Variants in SETD5 observed in about 807,000 individuals in gnomAD.
The protein encoded by SETD5 is SET domain containing 5, also known as histone-lysine N-methyltransferase SETD5.
In SETD5, 44 loss-of-function variants were observed where a neutral mutation model predicts 153.3. That is an observed-to-expected ratio of 0.29 (90% CI 0.23 to 0.37). SETD5 has a LOEUF of 0.37. SETD5 is among the 10% of genes least tolerant of loss of function. The probability of loss-of-function intolerance (pLI) is 1.00; values close to 1 mark genes in which losing one functional copy is unlikely to be tolerated. For synonymous variants in SETD5, 716 were observed against 645.2 expected (o/e 1.11, Z -1.66); for missense variants, 1,544 against 1,768.0 (o/e 0.87, Z 2.27).
intron 1 of SETD5, among the ~76,000 whole-genome samples, chr3:9,416,233 A>G (rs371628182): frequency 5.9e-5 from 9 of 152,278 alleles, no homozygotes; most frequent in South Asian, 4.1e-4. Context: ...ATTGCTCACT[A>G]AAAATAAGAA....
rs1266057353 is a variant in SETD5 at position 9,476,902 on chromosome 3, A to G, written c.*811A>G. The G allele has an allele frequency of 6.6e-6, 1 of 152,664 alleles. No homozygotes were observed. The highest frequency in any genetic ancestry group is 1.9e-4 in the East Asian group (1 of 5,202). The allele number at this position is 152,664 out of a possible 1,614,324, so 9.5% of individuals were successfully genotyped here. On this transcript the variant is annotated 3_prime_UTR_variant, in exon 23 of 23. Coordinates refer to ENST00000402198, the MANE Select transcript of SETD5 (RefSeq NM_001080517.3). ...GAGGAATGAGACATGATATAGGCCA[A>G]TTGCATTGCTACTTACCAGCTTTTG...
chr3:9,410,441 A>G (rs2036388630), intron 1 of SETD5, among the ~76,000 whole-genome samples: 1 of 152,172 alleles, frequency 6.6e-6, no homozygotes, highest in South Asian at 2.1e-4. Flanking sequence ...TGGTTGTGCC[A>G]CCAGTTTGAT....
Position 9,464,634 on chromosome 3 carries a change from A to G in SETD5, c.2686A>G (p.Thr896Ala), listed in dbSNP as rs1295569259. ...SLMFSPVTSL[T>A]TASRCNTPLQ... ...CATGTTTTCACCAGTCACATCTCTT[A>G]CTACTGCTAGTCGCTGCAACACTCC... Residue 896 changes from threonine (T) to alanine (A), a missense_variant, in exon 18 of 23, where the codon ACT becomes GCT. Thr to Ala is a moderately conservative substitution (Grantham distance 58, BLOSUM62 0). Around this residue, in one of 9 missense-constraint regions of SETD5, gnomAD observed 782 missense variants for 787.2 expected, o/e 0.99. Transcript: ENST00000402198. The G allele has an allele frequency of 6.2e-7, 1 of 1,613,922 alleles. No individual in the cohort carries two copies. The highest frequency in any genetic ancestry group is 8.5e-7 in the Non-Finnish European group (1 of 1,179,906).
chr3:9,416,178 C>T (rs1359732782), intron 1 of SETD5, among the ~76,000 whole-genome samples: 1 of 134,408 alleles, frequency 7.4e-6, no homozygotes, highest in Admixed American at 7.2e-5. Flanking sequence ...GCCTTTTTGC[C>T]CTCAGTCTTC....
In SETD5 at chr3:9,477,750, C is replaced by T. The variant is rs2045932775; in HGVS notation, c.*1659C>T. The stretch of plus-strand genomic sequence containing the variant: ...ACTTTTCTTTTTGTTGTTTCCCCCA[C>T]AAACCCATCAGTCTGGGAGAGCATT... On this transcript the variant is annotated 3_prime_UTR_variant, in exon 23 of 23. Coordinates refer to ENST00000402198, the MANE Select transcript of SETD5 (RefSeq NM_001080517.3). 6.7e-6 allele frequency: 1 copy of T among 150,240 alleles called. No homozygotes were observed. The allele number at this position is 150,240 out of a possible 1,614,324, so 9.3% of individuals were successfully genotyped here. A position where few individuals can be genotyped will look rare whatever the true frequency, so the allele number is the denominator to read the frequency against.
rs773358253 is a variant in SETD5 at position 9,440,450 on chromosome 3, C to G, written c.568-6C>G. The G allele has an allele frequency of 6.8e-7, 1 of 1,472,294 alleles. No homozygotes were observed. Among genetic ancestry groups the G allele is most frequent in the Admixed American group, 1.7e-5 (1 of 59,664 alleles). 91.2% of individuals were successfully genotyped at this position (1,472,294 alleles called of 1,614,324 possible). ...TTACTAACCTCCCTGAATTTGTTTT[C>G]TACAGAATTCTCCCTCTGAAGCACA... On this transcript the variant is annotated splice_region_variant and splice_polypyrimidine_tract_variant and intron_variant, in intron 7 of 22. Coordinates refer to ENST00000402198, the MANE Select transcript of SETD5 (RefSeq NM_001080517.3).
intron 20 of SETD5, 104 bp from the exon 21 acceptor site, chr3:9,474,345 A>AT: frequency 7.7e-7 from 1 of 1,307,174 alleles, no homozygotes; most frequent in Non-Finnish European, 1.0e-6. Context: ...GAAGAAAGTA[A>AT]TGTTTAAGAG....
chr3:9,441,376 T>G (rs2041269858), intron 8 of SETD5, among the ~76,000 whole-genome samples: 2 of 152,174 alleles, frequency 1.3e-5, no homozygotes, highest in Admixed American at 6.5e-5. Context: ...TTTAATATTT[T>G]CTTGCCGTTT....
chr3:9,417,436 A>G (rs534069114), intron 1 of SETD5, among the ~76,000 whole-genome samples: 3 of 151,920 alleles, frequency 2.0e-5, no homozygotes, highest in African/African-American at 7.2e-5. Flanking sequence ...ATGAAAGTGA[A>G]GTCCATATTT....
intron 18 of SETD5, among the ~76,000 whole-genome samples, chr3:9,465,418 C>G (rs2044437470): frequency 6.6e-6 from 1 of 152,208 alleles, no homozygotes; most frequent in Non-Finnish European, 1.5e-5. Flanking sequence ...AACACTTCAT[C>G]TATTGCATGT....
chr3:9,423,915 T>C (rs1464966424), intron 1 of SETD5, among the ~76,000 whole-genome samples: 1 of 152,220 alleles, frequency 6.6e-6, no homozygotes, highest in South Asian at 2.1e-4. Context: ...TAAGCATGTT[T>C]CCATTTGACC....
chr3:9,447,137 C>A lies in SETD5; in HGVS notation c.1612C>A (p.Gln538Lys), dbSNP rs1299627284. ...GAAGCGGCGGGATCAGCCCTTGGAA[C>A]AGAGCAACTCTGATGTAGAGATTAC... ...RKKRRDQPLE[Q>K]SNSDVEITTT... The change falls in exon 14 of 23, where the codon CAG becomes AAG. Residue 538 changes from glutamine to lysine, a missense_variant. This residue lies in a region of SETD5 where 782 missense variants were observed against 787.2 expected (regional missense o/e 0.99). Coordinates refer to ENST00000402198, the MANE Select transcript of SETD5 (RefSeq NM_001080517.3). 1 of 1,614,004 alleles carries A rather than the reference C, an allele frequency of 6.2e-7. No individual in the cohort carries two copies. Among genetic ancestry groups the A allele is most frequent in the Non-Finnish European group, 8.5e-7 (1 of 1,179,896 alleles).
chr3:9,420,712 A>C (rs1038740230), intron 1 of SETD5, among the ~76,000 whole-genome samples: 2 of 152,148 alleles, frequency 1.3e-5, no homozygotes, highest in Non-Finnish European at 2.9e-5. Flanking sequence ...TTATAAGCCT[A>C]ATTTTACTGT....
At position 9,428,982 on chromosome 3, in the gene SETD5, C is replaced by G. The variant is rs1452389620; in HGVS notation, c.44C>G (p.Ser15Cys). Residue 15 changes from serine to cysteine, a missense_variant, in exon 3 of 23, where the codon TCC (serine) becomes TGC (cysteine). Around this residue, in one of 9 missense-constraint regions of SETD5, gnomAD observed 251 missense variants for 326.9 expected, o/e 0.77. Coordinates refer to ENST00000402198, the MANE Select transcript of SETD5 (RefSeq NM_001080517.3). ...CTGGGAGTCACCACATCAGATACATCCTACTCAGATATGGCTGCTGGATCA... is the reference window on the plus strand; with the variant it reads ...CTGGGAGTCACCACATCAGATACATGCTACTCAGATATGGCTGCTGGATCA... Reference protein sequence around the residue: ...IPLGVTTSDTSYSDMAAGSDP... With the variant: ...IPLGVTTSDTCYSDMAAGSDP... The G allele has an allele frequency of 1.2e-6, 2 of 1,613,214 alleles. No individual in the cohort carries two copies. Among genetic ancestry groups the G allele is most frequent in the Non-Finnish European group, 1.7e-6 (2 of 1,179,462 alleles).
intron 1 of SETD5, among the ~76,000 whole-genome samples, chr3:9,420,389 A>G (rs982202459): frequency 2.0e-4 from 30 of 152,154 alleles, no homozygotes; most frequent in African/African-American, 7.2e-4. Context: ...TTCTTAATAT[A>G]GACTAGGATT....
At chr3:9,447,546 A>T (rs1040981894) in intron 14 of SETD5, 140 bp from the exon 15 acceptor site, 2 of 1,126,900 alleles carry the variant, frequency 1.8e-6, no homozygotes, top group South Asian at 3.2e-5. Flanking sequence ...TTTTGTATTT[A>T]AAAATTAGAT....
At chr3:9,442,590 T>C (rs997375649) in intron 10 of SETD5, among the ~76,000 whole-genome samples, 1 of 152,210 alleles carries the variant, frequency 6.6e-6, no homozygotes, top group Non-Finnish European at 1.5e-5. Flanking sequence ...TGCAGTTTTT[T>C]TAGATTTTAG....
At chr3:9,402,206 G>T (rs1045206643) in intron 1 of SETD5, among the ~76,000 whole-genome samples, 1 of 152,072 alleles carries the variant, frequency 6.6e-6, no homozygotes, top group Non-Finnish European at 1.5e-5. Flanking sequence ...CAGTAACTTT[G>T]GGGGGAGGTG....
At chr3:9,432,337 C>T (rs1376032692) in intron 3 of SETD5, 2 of 978,020 alleles carry the variant, frequency 2.0e-6, no homozygotes, top group Non-Finnish European at 2.4e-6. Flanking sequence ...GAGTTGGATA[C>T]ATATCTCAGA....
Sources: allele counts gnomAD v4.1 joint callset (sites outside exome capture counted in the v4.1 genomes callset), GRCh38; gene constraint gnomAD v4.1.1; regional missense constraint gnomAD v4.1.1; transcripts MANE v1.5; gene names NCBI Gene and HGNC (gene_info 2026-07-23, HGNC 2026-07-21).